The following FGF13 variants were observed in gnomAD, a reference collection of about 807,000 sequenced individuals.
FGF13 encodes fibroblast growth factor 13.
In FGF13, 2 loss-of-function variants were observed where a neutral mutation model predicts 19.5. The ratio of observed to expected loss-of-function variants is 0.10; its 90% CI spans 0.04 to 0.32. FGF13 has a LOEUF of 0.32. Among genes scored for constraint, FGF13 ranks in the 10% least tolerant of loss-of-function variants. The probability of loss-of-function intolerance (pLI) is 1.00; values close to 1 mark genes in which losing one functional copy is unlikely to be tolerated. For missense variants in FGF13, 113 were observed against 192.7 expected, an observed-to-expected ratio of 0.59 and a Z score of 2.45; for synonymous variants, 72 against 76.9, an observed-to-expected ratio of 0.94 and a Z score of 0.33.
chrX:139,073,143 CT>C (rs1359708419), intron 1 of FGF13, among the ~76,000 whole-genome samples: 1 of 101,311 alleles, frequency 9.9e-6, no homozygotes, highest in African/African-American at 3.7e-5. Context: ...TCCCCCCCCC[CT>C]TTTCTGTGTC....
At chrX:138,923,349 A>T (rs1399342393) in intron 1 of FGF13, among the ~76,000 whole-genome samples, 1 of 112,053 alleles carries the variant, frequency 8.9e-6, no homozygotes, top group Non-Finnish European at 1.9e-5. Flanking sequence ...TATTTCTCCA[A>T]CCTAATCCAT....
chrX:138,656,295 T>C (rs1200407530), intron 3 of FGF13, among the ~76,000 whole-genome samples: 1 of 111,766 alleles, frequency 8.9e-6, no homozygotes, highest in African/African-American at 3.3e-5. Context: ...GTCATAATAA[T>C]GGATATTTAA....
chrX:138,837,200 G>A (rs2091119123), intron 3 of FGF13, among the ~76,000 whole-genome samples: 1 of 112,535 alleles, frequency 8.9e-6, no homozygotes, highest in African/African-American at 3.2e-5. Context: ...TTGTAGAGCT[G>A]CTATGCTGTG....
At chrX:139,051,229 C>T (rs893353013) in intron 1 of FGF13, among the ~76,000 whole-genome samples, 7 of 111,986 alleles carry the variant, frequency 6.3e-5, no homozygotes, top group Non-Finnish European at 1.1e-4. Context: ...ATGTCTATTA[C>T]CATCATCATT....
At chrX:139,140,142 C>T (rs2083831890) in intron 1 of FGF13, among the ~76,000 whole-genome samples, 1 of 111,508 alleles carries the variant, frequency 9.0e-6, no homozygotes, top group African/African-American at 3.3e-5. Context: ...CTGGGTCAAA[C>T]ATCTGAAATC....
chrX:138,776,492 G>T (rs975209195), intron 3 of FGF13, among the ~76,000 whole-genome samples: 2 of 111,911 alleles, frequency 1.8e-5, no homozygotes, highest in Non-Finnish European at 3.8e-5. Context: ...TCCATTTTGT[G>T]GGAAACTGAG....
intron 1 of FGF13, among the ~76,000 whole-genome samples, chrX:139,189,521 T>G (rs754838009): frequency 8.9e-6 from 1 of 111,851 alleles, no homozygotes; most frequent in African/African-American, 3.2e-5. Context: ...ATCTTTTCCT[T>G]ATAAATTACC....
chrX:138,658,721 C>A (rs146898989), intron 3 of FGF13, among the ~76,000 whole-genome samples: 1,627 of 111,475 alleles, frequency 0.015, 22 homozygotes, highest in African/African-American at 0.05. Flanking sequence ...TAAAGTCTGG[C>A]AAATGCTCTG....
chrX:138,705,076 A>G (rs187064793), intron 2 of FGF13, among the ~76,000 whole-genome samples: 20 of 112,162 alleles, frequency 1.8e-4, no homozygotes, highest in African/African-American at 6.5e-4. Flanking sequence ...CTAAAAAACT[A>G]AAGCAAAACT....
At chrX:138,952,452 T>C (rs1241463835) in intron 1 of FGF13, among the ~76,000 whole-genome samples, 2 of 112,065 alleles carry the variant, frequency 1.8e-5, no homozygotes, top group Admixed American at 1.9e-4. Context: ...ACTTAAATGT[T>C]AGACCTGAAA....
intron 1 of FGF13, among the ~76,000 whole-genome samples, chrX:138,918,910 C>G (rs1420766400): frequency 8.9e-6 from 1 of 111,900 alleles, no homozygotes; most frequent in Non-Finnish European, 1.9e-5. Flanking sequence ...ATCAGAGTAT[C>G]TGTCTGTAGA....
downstream of FGF13, among the ~76,000 whole-genome samples, chrX:138,855,993 T>TG (rs3077285): frequency 3.4e-3 from 367 of 109,427 alleles, 3 homozygotes; most frequent in African/African-American, 0.012. Flanking sequence ...TGTGTGTGTG[T>TG]TTATAATTTT....
chrX:139,073,132 T>A (rs144377663), intron 1 of FGF13, among the ~76,000 whole-genome samples: 5 of 99,839 alleles, frequency 5.0e-5, no homozygotes, highest in Admixed American at 1.1e-4. Flanking sequence ...GGAGCTGTTT[T>A]TCCCCCCCCC....
intron 3 of FGF13, among the ~76,000 whole-genome samples, chrX:138,699,975 C>G (rs1221208307): frequency 9.0e-6 from 1 of 111,184 alleles, no homozygotes; most frequent in African/African-American, 3.3e-5. Flanking sequence ...TCCCTCATGA[C>G]GCCTGATAAT....
intron 1 of FGF13, among the ~76,000 whole-genome samples, chrX:139,023,812 G>T (rs985372082): frequency 1.3e-4 from 14 of 111,102 alleles, no homozygotes; most frequent in Admixed American, 6.7e-4. Context: ...CATATTCAAA[G>T]ACACAAAATA....
At chrX:138,661,150 T>C (rs1348175638) in intron 3 of FGF13, among the ~76,000 whole-genome samples, 1 of 111,489 alleles carries the variant, frequency 9.0e-6, no homozygotes, top group Non-Finnish European at 1.9e-5. Context: ...CTAGTATATG[T>C]CCATGGAATT....
At chrX:138,779,327 C>T (rs992735341) in intron 3 of FGF13, among the ~76,000 whole-genome samples, 35 of 112,078 alleles carry the variant, frequency 3.1e-4, no homozygotes, top group African/African-American at 4.9e-4. Flanking sequence ...ATGACTTTGA[C>T]GAGCTGAGAG....
intron 3 of FGF13, among the ~76,000 whole-genome samples, chrX:138,685,099 C>T (rs997495318): frequency 2.7e-5 from 3 of 111,487 alleles, no homozygotes; most frequent in Non-Finnish European, 5.7e-5. Flanking sequence ...TTAGCAACCA[C>T]AAGGAGATAT....
chrX:139,144,688 G>A (rs956478935), intron 1 of FGF13, among the ~76,000 whole-genome samples: 5 of 110,970 alleles, frequency 4.5e-5, no homozygotes, highest in Non-Finnish European at 7.5e-5. Context: ...ACAAATGTTA[G>A]CATGTTACCA....
Sources: gnomAD v4.1 joint callset for allele counts (sites outside exome capture counted in the v4.1 genomes callset) on GRCh38, gnomAD v4.1.1 for gene constraint, MANE v1.5 for transcripts, NCBI Gene and HGNC (gene_info 2026-07-23, HGNC 2026-07-21) for gene names.